ARHGEF10: variants seen among roughly 807,000 people sequenced by gnomAD.
ARHGEF10 encodes Rho guanine nucleotide exchange factor (GEF) 10.
Under a neutral mutation model 147.4 loss-of-function variants are expected in ARHGEF10, and 140 were observed. That is an observed-to-expected ratio of 0.95 (90% CI 0.83 to 1.09). ARHGEF10 has a LOEUF of 1.09. ARHGEF10 is among the 50% of genes least tolerant of loss of function. The pLI, the probability that ARHGEF10 is intolerant of heterozygous loss-of-function variation, is 0.00. For missense variants in ARHGEF10, 2,222 were observed against 1,752.7 expected (o/e 1.27, Z -4.78); for synonymous variants, 902 against 695.8 (o/e 1.30, Z -4.67).
At chr8:1,866,998 G>C (rs1272946883) in intron 6 of ARHGEF10, among the ~76,000 whole-genome samples, 1 of 151,378 alleles carries the variant, frequency 6.6e-6, no homozygotes, top group Non-Finnish European at 1.5e-5. Flanking sequence ...GTTTTGAAGA[G>C]GGGGCGGGTG....
intron 1 of ARHGEF10, among the ~76,000 whole-genome samples, chr8:1,842,054 G>A (rs183176273): frequency 7.8e-6 from 1 of 127,882 alleles, no homozygotes; most frequent in African/African-American, 2.7e-5. Flanking sequence ...GGGCCGCGGC[G>A]GGAACTGGGG....
intron 1 of ARHGEF10, among the ~76,000 whole-genome samples, chr8:1,834,188 T>A (rs1167625401): frequency 6.6e-6 from 1 of 152,226 alleles, no homozygotes. Flanking sequence ...CCCCAGCATG[T>A]GGCGCAGAGA....
intron 26 of ARHGEF10, among the ~76,000 whole-genome samples, chr8:1,936,556 G>A (rs1199219582): frequency 3.9e-5 from 6 of 152,130 alleles, no homozygotes; most frequent in African/African-American, 1.4e-4. Flanking sequence ...ACAGGAAAGT[G>A]TCTTCAGTTG....
chr8:1,894,750 A>G (rs1809836799), intron 13 of ARHGEF10, among the ~76,000 whole-genome samples, 178 bp downstream of exon 13: 1 of 152,244 alleles, frequency 6.6e-6, no homozygotes, highest in Non-Finnish European at 1.5e-5. Context: ...GGGAAATGAT[A>G]AATGGATCTT....
chr8:1,864,425 G>T lies in ARHGEF10; in HGVS notation c.534G>T (p.Glu178Asp). ...DRQPNSLSSE[E>D]PPTSEDQVGR... ...AGCCCAATTCTCTGAGTTCCGAGGA[G>T]CCTCCAACCAGGTATCTGCATCCGT... is the stretch of plus-strand genomic sequence containing the variant. Residue 178 changes from glutamate to aspartate, a missense_variant, in exon 5 of 29, where the codon GAG becomes GAT. Transcript: ENST00000349830. 1 of 1,614,094 alleles carries T rather than the reference G, an allele frequency of 6.2e-7. No homozygotes were observed. Among genetic ancestry groups the T allele is most frequent in the Non-Finnish European group, 8.5e-7 (1 of 1,179,950 alleles).
chr8:1,882,667 C>T lies in ARHGEF10; in HGVS notation c.993C>T (p.Gly331=), dbSNP rs1343490749. 3.2e-6 allele frequency: 5 copies of T among 1,555,988 alleles called. No homozygotes were observed. The highest frequency in any genetic ancestry group is 1.7e-4 in the Middle Eastern group (1 of 6,020). The change falls in exon 10 of 29, where the codon GGC becomes GGT. Residue 331 remains glycine, a synonymous_variant. Transcript: ENST00000349830. The stretch of plus-strand genomic sequence containing the variant: ...AGCTCGTGAAGGCCGCGAAGGACGG[C>T]ACCAAGGACGGGCTGGAGAGGACCA... ...MQKLVKAAKD[G]TKDGLERTRA...
chr8:1,925,980 G>A (rs1249327064), intron 22 of ARHGEF10, among the ~76,000 whole-genome samples: 1 of 152,200 alleles, frequency 6.6e-6, no homozygotes, highest in Non-Finnish European at 1.5e-5. Context: ...GACCCCTCCT[G>A]TTGAGAGTTG....
At chr8:1,944,793 G>C (rs1395915549) in intron 26 of ARHGEF10, among the ~76,000 whole-genome samples, 3 of 152,238 alleles carry the variant, frequency 2.0e-5, no homozygotes, top group Non-Finnish European at 4.4e-5. Flanking sequence ...GGCAAGGCGG[G>C]GGCAGTCCTC....
chr8:1,956,846 C>T lies in ARHGEF10; in HGVS notation c.3618C>T (p.Asp1206=), dbSNP rs1283518187. ...LHEKDKDKSR[D]SLAPGPEPQD... is the part of the protein sequence containing the mutation. ...AGAAAGACAAGGACAAATCCAGGGA[C>T]AGCCTGGCTCCTGGCCCCGAGCCTC... The change falls in exon 29 of 29, where the codon GAC becomes GAT. Residue 1206 remains aspartate, a synonymous_variant. Transcript: ENST00000349830. 1.2e-6 allele frequency: 2 copies of T among 1,614,058 alleles called. No homozygotes were observed. The highest frequency in any genetic ancestry group is 8.5e-7 in the Non-Finnish European group (1 of 1,180,036).
In ARHGEF10 at chr8:1,864,543, C is replaced by T. The variant is rs76119256; in HGVS notation, c.545+107C>T. 215 of 1,209,070 alleles carry T rather than the reference C, an allele frequency of 1.8e-4. 1 individual carries two copies. In the African/African-American group the frequency reaches 2.4e-3, roughly 13 times the overall value. The allele number at this position is 1,209,070 out of a possible 1,614,324, so 74.9% of individuals were successfully genotyped here. A position where few individuals can be genotyped will look rare whatever the true frequency, so the allele number is the denominator to read the frequency against. ...CCTGCCCGCCATCCTCAGCTCTGCGCGGCGGGAGCTGTCCCAACCCCACCT... is the reference window on the plus strand; with the variant it reads ...CCTGCCCGCCATCCTCAGCTCTGCGTGGCGGGAGCTGTCCCAACCCCACCT... On this transcript the variant is annotated intron_variant, in intron 5 of 28. Coordinates refer to ENST00000349830, the MANE Select transcript of ARHGEF10 (RefSeq NM_014629.4).
chr8:1,895,020 G>T (rs551613201), intron 13 of ARHGEF10, among the ~76,000 whole-genome samples: 1 of 152,208 alleles, frequency 6.6e-6, no homozygotes, highest in Admixed American at 6.5e-5. Context: ...TAGAAAACAC[G>T]TGATGGGAAA....
At chr8:1,879,734 A>G (rs1808019934) in intron 8 of ARHGEF10, among the ~76,000 whole-genome samples, 1 of 151,900 alleles carries the variant, frequency 6.6e-6, no homozygotes, top group Non-Finnish European at 1.5e-5. Flanking sequence ...TGTAATTTTA[A>G]TAGAGACAGG....
chr8:1,888,898 T>TGGGTGAGGGTTGTGAGGAGACAGTG lies in ARHGEF10; in HGVS notation c.1182+3201_1182+3225dup, dbSNP rs1809091989. Reference sequence around the variant, plus strand: ...TGAGAGTTATGAGGAGACACTGAGTTGGGTGAGGGTTGTGAGGAGACAGTG... The same window carrying TGGGTGAGGGTTGTGAGGAGACAGTG: ...TGAGAGTTATGAGGAGACACTGAGTTGGGTGAGGGTTGTGAGGAGACAGTGGGGTGAGGGTTGTGAGGAGACAGTG... On this transcript the variant is annotated intron_variant, in intron 11 of 28. Coordinates refer to ENST00000349830, the MANE Select transcript of ARHGEF10 (RefSeq NM_014629.4). 3.2e-5 allele frequency among the ~76,000 whole-genome samples: 2 copies of TGGGTGAGGGTTGTGAGGAGACAGTG among 62,550 alleles called. 1 individual carries two copies. The highest frequency in any genetic ancestry group is 1.6e-4 in the African/African-American group (2 of 12,450). 41.0% of individuals were successfully genotyped at this position (62,550 alleles called of 152,430 possible).
At chr8:1,934,352 T>TG (rs1813398739) in intron 26 of ARHGEF10, among the ~76,000 whole-genome samples, 1 of 12,190 alleles carries the variant, frequency 8.2e-5, no homozygotes, top group Admixed American at 1.4e-3. Context: ...AGACCCTGTC[T>TG]CCAAAAAAAA....
chr8:1,919,492 C>G lies in ARHGEF10; in HGVS notation c.2144-3472C>G, dbSNP rs565265058. On this transcript the variant is annotated intron_variant, in intron 18 of 28. Transcript: ENST00000349830. The stretch of plus-strand genomic sequence containing the variant: ...GGAGCTGTTCTGTCCAGTGATGGAG[C>G]TGTTCCGTGGGTGATGGAGCTATTC... Among the ~76,000 whole-genome samples, 374 of 145,422 alleles carry G rather than the reference C, an allele frequency of 2.6e-3. 3 individuals carry two copies. Among genetic ancestry groups the G allele is most frequent in the Middle Eastern group, 0.012 (3 of 250 alleles).
intron 6 of ARHGEF10, 118 bp downstream of exon 6, chr8:1,866,720 T>C: frequency 2.0e-6 from 2 of 1,009,676 alleles, no homozygotes; most frequent in East Asian, 4.8e-5. Flanking sequence ...AAAAGATGTT[T>C]ATTTACTGAA....
chr8:1,908,029 A>G (rs962193995), intron 17 of ARHGEF10, among the ~76,000 whole-genome samples: 1 of 151,936 alleles, frequency 6.6e-6, no homozygotes, highest in Non-Finnish European at 1.5e-5. Flanking sequence ...ACGGAACACA[A>G]CCCATCTTTC....
chr8:1,937,750 G>A lies in ARHGEF10; in HGVS notation c.3222+3808G>A, dbSNP rs190996265. 1.8e-4 allele frequency among the ~76,000 whole-genome samples: 28 copies of A among 152,334 alleles called. 1 individual carries two copies. Among genetic ancestry groups the A allele is most frequent in the Admixed American group, 1.0e-3 (16 of 15,302 alleles). On this transcript the variant is annotated intron_variant, in intron 26 of 28. Transcript: ENST00000349830. The surrounding 1 kb of genome is among the most constrained non-coding windows in gnomAD (Gnocchi z 4.9). ...TGCTGACAGCGAGGGCAGCAGCTGC[G>A]GGGGGATCCGTCCCGAATGGCCATA...
At chr8:1,924,346 G>T (rs888972369) in intron 21 of ARHGEF10, among the ~76,000 whole-genome samples, 4 of 152,180 alleles carry the variant, frequency 2.6e-5, no homozygotes, top group African/African-American at 9.7e-5. Context: ...TACTGTAGAT[G>T]GATGTGACTT....
Sources: gnomAD v4.1 joint callset for allele counts (sites outside exome capture counted in the v4.1 genomes callset) on GRCh38, gnomAD v4.1.1 for gene constraint, Gnocchi (gnomAD v3.1) non-coding constraint, MANE v1.5 for transcripts, NCBI Gene and HGNC (gene_info 2026-07-23, HGNC 2026-07-21) for gene names.